Variants in RAD54L2 observed in about 807,000 individuals in gnomAD.
RAD54L2 encodes RAD54 like 2.
Under a neutral mutation model 138.4 loss-of-function variants are expected in RAD54L2, and 27 were observed. The ratio of observed to expected loss-of-function variants is 0.20; its 90% CI spans 0.14 to 0.27. The LOEUF is 0.27. RAD54L2 is among the 10% of genes least tolerant of loss of function. The pLI, the probability that RAD54L2 is intolerant of heterozygous loss-of-function variation, is 1.00. For synonymous variants in RAD54L2, 644 were observed against 723.2 expected (o/e 0.89, Z 1.76); for missense variants, 1,396 against 1,890.2 (o/e 0.74, Z 4.85).
intron 3 of RAD54L2, among the ~76,000 whole-genome samples, chr3:51,626,440 T>TTTTTTTTTTTA (rs1700689129): frequency 9.6e-6 from 1 of 104,330 alleles, no homozygotes; most frequent in Non-Finnish European, 2.0e-5. Flanking sequence ...AACGATCTTT[T>TTTTTTTTTTTA]TTTTTTTTTT....
intron 2 of RAD54L2, among the ~76,000 whole-genome samples, chr3:51,557,830 CAAAAAA>C (rs1166273906): frequency 3.7e-3 from 118 of 32,204 alleles, no homozygotes; most frequent in Non-Finnish European, 6.8e-3. Flanking sequence ...AACTCCATCT[CAAAAAA>C]AAAAAAAAAA....
At chr3:51,652,382 C>T (rs951745349) in intron 19 of RAD54L2, among the ~76,000 whole-genome samples, 1 of 152,100 alleles carries the variant, frequency 6.6e-6, no homozygotes, top group African/African-American at 2.4e-5. Flanking sequence ...GATTCAATGC[C>T]ATCCCCATCA....
intron 3 of RAD54L2, among the ~76,000 whole-genome samples, chr3:51,623,223 A>T (rs1700604889): frequency 6.6e-6 from 1 of 152,236 alleles, no homozygotes; most frequent in Non-Finnish European, 1.5e-5. Context: ...TGTAAGAAAC[A>T]TTCATTTTGT....
At chr3:51,585,796 C>G (rs1012670218) in intron 2 of RAD54L2, among the ~76,000 whole-genome samples, 1 of 152,078 alleles carries the variant, frequency 6.6e-6, no homozygotes, top group African/African-American at 2.4e-5. Flanking sequence ...TTTAGAGTTC[C>G]TTTAAATAGC....
chr3:51,630,897 C>T lies in RAD54L2; in HGVS notation c.791C>T (p.Ala264Val), dbSNP rs1174216620. The change falls in exon 7 of 23, where the codon GCC (alanine) becomes GTC (valine). Residue 264 changes from alanine (A) to valine (V), a missense_variant. By Grantham distance (64) the Ala-to-Val change is moderately conservative. Coordinates refer to ENST00000684192, the MANE Select transcript of RAD54L2 (RefSeq NM_015106.4). Reference sequence around the variant, plus strand: ...CCAGAGGAGGAAAATGTCTTCCTTGCCCCACAGTTGGCACGGGCTGTGAAA... The same window carrying T: ...CCAGAGGAGGAAAATGTCTTCCTTGTCCCACAGTTGGCACGGGCTGTGAAA... The part of the protein sequence containing the change: ...HPPEEENVFL[A>V]PQLARAVKPH... 2 of 1,613,754 alleles carry T rather than the reference C, an allele frequency of 1.2e-6. No homozygotes were observed. The highest frequency in any genetic ancestry group is 3.3e-5 in the Admixed American group (2 of 60,028).
At chr3:51,620,407 C>CTTTTTT (rs60585256) in intron 3 of RAD54L2, among the ~76,000 whole-genome samples, 3 of 82,552 alleles carry the variant, frequency 3.6e-5, no homozygotes, top group East Asian at 3.6e-4. Context: ...TCCTACTGGT[C>CTTTTTT]TTTTTTTTTT....
At chr3:51,641,678 A>AGTAT (rs1701140182) in intron 14 of RAD54L2, 71 bp from the exon 15 acceptor site, 1 of 1,010,736 alleles carries the variant, frequency 9.9e-7, no homozygotes, top group African/African-American at 1.6e-5. Context: ...GTTGCACAAG[A>AGTAT]GTATGGACCT....
chr3:51,566,465 C>A (rs1476072362), intron 2 of RAD54L2, among the ~76,000 whole-genome samples: 1 of 41,466 alleles, frequency 2.4e-5, no homozygotes, highest in African/African-American at 1.1e-4. Context: ...GCCTTTTCTG[C>A]GTTTTTTTTT....
intron 14 of RAD54L2, among the ~76,000 whole-genome samples, chr3:51,640,485 G>A (rs931473401): frequency 1.3e-5 from 2 of 152,160 alleles, no homozygotes; most frequent in African/African-American, 4.8e-5. Flanking sequence ...TCTCAGTCTG[G>A]CTAGAGCTTT....
chr3:51,626,714 G>A (rs1367527318), intron 3 of RAD54L2, among the ~76,000 whole-genome samples: 2 of 151,590 alleles, frequency 1.3e-5, no homozygotes, highest in African/African-American at 4.8e-5. Context: ...CAAAGAGTTG[G>A]GATTACAGGC....
intron 22 of RAD54L2, 78 bp downstream of exon 22, chr3:51,660,196 A>C: frequency 9.2e-7 from 1 of 1,085,414 alleles, no homozygotes; most frequent in South Asian, 1.5e-5. Flanking sequence ...TTAACTTATT[A>C]TGTGAATAGA....
intron 2 of RAD54L2, among the ~76,000 whole-genome samples, chr3:51,587,901 A>C (rs921958824): frequency 4.6e-5 from 7 of 152,074 alleles, no homozygotes; most frequent in Admixed American, 4.6e-4. Context: ...TATCTGCAGC[A>C]GTTTGTCTTG....
intron 1 of RAD54L2, among the ~76,000 whole-genome samples, 135 bp downstream of exon 1, chr3:51,539,050 G>A (rs1441633827): frequency 2.0e-5 from 3 of 152,194 alleles, no homozygotes; most frequent in Non-Finnish European, 2.9e-5. Context: ...AGCGGCCCGG[G>A]CCTTCGGGGC....
intron 3 of RAD54L2, among the ~76,000 whole-genome samples, chr3:51,621,505 A>G (rs1013514827): frequency 6.6e-6 from 1 of 152,250 alleles, no homozygotes; most frequent in Non-Finnish European, 1.5e-5. Flanking sequence ...TTGAAAGGTC[A>G]GCAGGTTCCA....
intron 5 of RAD54L2, among the ~76,000 whole-genome samples, chr3:51,629,704 C>CA (rs986722109): frequency 2.0e-4 from 30 of 150,566 alleles, no homozygotes; most frequent in Non-Finnish European, 3.3e-4. Flanking sequence ...ACTAAAAATA[C>CA]AAAAAAAAAT....
At chr3:51,585,133 TTTC>T (rs1699684431) in intron 2 of RAD54L2, among the ~76,000 whole-genome samples, 1 of 152,238 alleles carries the variant, frequency 6.6e-6, no homozygotes, top group African/African-American at 2.4e-5. Context: ...CTTAAAAGAC[TTTC>T]TTCCCCTTGT....
At chr3:51,574,101 T>C (rs539066204) in intron 2 of RAD54L2, among the ~76,000 whole-genome samples, 2 of 149,508 alleles carry the variant, frequency 1.3e-5, no homozygotes, top group South Asian at 2.2e-4. Flanking sequence ...CGGTGTTTGG[T>C]TTTCTGTACT....
intron 2 of RAD54L2, among the ~76,000 whole-genome samples, chr3:51,557,247 T>C (rs1385757659): frequency 4.2e-5 from 6 of 142,706 alleles, no homozygotes; most frequent in Non-Finnish European, 9.0e-5. Flanking sequence ...TGGCATGCAG[T>C]GGCATGGCTC....
At chr3:51,582,365 A>T (rs1036774987) in intron 2 of RAD54L2, among the ~76,000 whole-genome samples, 1 of 128,560 alleles carries the variant, frequency 7.8e-6, no homozygotes, top group Non-Finnish European at 1.7e-5. Context: ...CATCCCCTGT[A>T]TCCAGAGATC....
Sources: allele counts gnomAD v4.1 joint callset (sites outside exome capture counted in the v4.1 genomes callset), GRCh38; gene constraint gnomAD v4.1.1; transcripts MANE v1.5; gene names NCBI Gene and HGNC (gene_info 2026-07-23, HGNC 2026-07-21).